The following XRN2 variants were observed in gnomAD, a reference collection of about 807,000 sequenced individuals.
The protein encoded by XRN2 is DHM1-like protein.
XRN2 carries 44 observed loss-of-function variants against 138.5 expected under a neutral mutation model. The ratio of observed to expected loss-of-function variants is 0.32; its 90% CI spans 0.25 to 0.41. The LOEUF (loss-of-function observed/expected upper bound fraction) is 0.41, where lower values mean the gene tolerates loss of function less well. XRN2 is among the 10% of genes least tolerant of loss of function. The pLI is 1.00. For synonymous variants in XRN2, 354 were observed against 369.4 expected, an observed-to-expected ratio of 0.96 and a Z score of 0.48; for missense variants, 937 against 1,169.3, an observed-to-expected ratio of 0.80 and a Z score of 2.90.
At chr20:21,333,019 G>A (rs140632060) in intron 9 of XRN2, among the ~76,000 whole-genome samples, 1 of 152,154 alleles carries the variant, frequency 6.6e-6, no homozygotes, top group Admixed American at 6.5e-5. Context: ...TGCTTTTTGA[G>A]GGGGGAAAAA....
At chr20:21,326,467 A>G in intron 2 of XRN2, 23 bp from the exon 3 acceptor site, 1 of 1,613,822 alleles carries the variant, frequency 6.2e-7, no homozygotes, top group African/African-American at 1.3e-5. Flanking sequence ...ATATTATATT[A>G]CATTGTTTGG....
At chr20:21,331,146 G>A (rs2038201618) in intron 6 of XRN2, among the ~76,000 whole-genome samples, 3 of 152,036 alleles carry the variant, frequency 2.0e-5, no homozygotes, top group African/African-American at 7.2e-5. Flanking sequence ...ATGAGAAATG[G>A]TAAATTATAT....
chr20:21,380,490 A>G (rs1450981900), intron 27 of XRN2, among the ~76,000 whole-genome samples: 3 of 152,184 alleles, frequency 2.0e-5, no homozygotes, highest in Non-Finnish European at 4.4e-5. Flanking sequence ...TGATTTTCTG[A>G]TAGTGTATAG....
Position 21,386,984 on chromosome 20 carries a change from G to A in XRN2, c.2765G>A (p.Arg922Gln), listed in dbSNP as rs1384644982. Residue 922 changes from arginine to glutamine, a missense_variant, in exon 29 of 30, where the codon CGA becomes CAA. Transcript: ENST00000377191. ...LAGPGGYPPR[R>Q]DDRGGRQGYP... ...GGGCCTGGTGGGTATCCACCCAGAC[G>A]AGATGATCGTGGAGGGAGACAGGTA... is the stretch of plus-strand genomic sequence containing the variant. 9 of 1,611,210 alleles carry A rather than the reference G, an allele frequency of 5.6e-6. No individual in the cohort carries two copies. The highest frequency in any genetic ancestry group is 4.5e-5 in the East Asian group (2 of 44,810).
chr20:21,327,249 A>G (rs1240813251), intron 3 of XRN2, among the ~76,000 whole-genome samples: 1 of 152,206 alleles, frequency 6.6e-6, no homozygotes, highest in Non-Finnish European at 1.5e-5. Context: ...AGTAGTCATG[A>G]AAATGATTTG....
chr20:21,329,459 G>A (rs2038173405), intron 4 of XRN2, among the ~76,000 whole-genome samples: 1 of 152,128 alleles, frequency 6.6e-6, no homozygotes, highest in Non-Finnish European at 1.5e-5. Flanking sequence ...TCTTGGCTCC[G>A]GATAATTGCA....
At chr20:21,345,089 A>G (rs2038419392) in intron 16 of XRN2, among the ~76,000 whole-genome samples, 1 of 152,170 alleles carries the variant, frequency 6.6e-6, no homozygotes, top group Non-Finnish European at 1.5e-5. Context: ...ATCCATGTCT[A>G]CTTGTGATTG....
chr20:21,375,974 G>T (rs2038817574), intron 27 of XRN2, among the ~76,000 whole-genome samples: 1 of 151,402 alleles, frequency 6.6e-6, no homozygotes, highest in South Asian at 2.1e-4. Flanking sequence ...GAGTAGCTCG[G>T]ACTACAGGCG....
chr20:21,337,393 C>G (rs917477864), intron 13 of XRN2, among the ~76,000 whole-genome samples: 2 of 152,192 alleles, frequency 1.3e-5, no homozygotes, highest in Admixed American at 1.3e-4. Flanking sequence ...TGACACAAGA[C>G]TGAAAGATGT....
chr20:21,313,460 T>C (rs1309167741), intron 1 of XRN2, among the ~76,000 whole-genome samples: 1 of 152,318 alleles, frequency 6.6e-6, no homozygotes, highest in Admixed American at 6.5e-5. Flanking sequence ...AGTAGACATA[T>C]TTGCAAATAT....
chr20:21,309,370 TA>T (rs775353256), intron 1 of XRN2, among the ~76,000 whole-genome samples: 2 of 152,206 alleles, frequency 1.3e-5, no homozygotes, highest in Non-Finnish European at 2.9e-5. Context: ...TTTATTTATT[TA>T]TTTTTTGGAT....
chr20:21,333,837 G>C lies in XRN2; in HGVS notation c.1067G>C (p.Arg356Thr), dbSNP rs1483338786. 1.2e-6 allele frequency: 2 copies of C among 1,614,082 alleles called. No homozygotes were observed. The highest frequency in any genetic ancestry group is 8.5e-7 in the Non-Finnish European group (1 of 1,180,002). ...CCTCATTTGCCATCGTTAGAGATTA[G>C]GTATGTGCATTTGTGTAGCTTTTCA... ...FLPHLPSLEI[R>T]ENAIDRLVNI... Residue 356 changes from arginine (R) to threonine (T), a missense_variant and splice_region_variant, in exon 11 of 30, where the codon AGG (arginine) becomes ACG (threonine). Physicochemically the swap from Arg to Thr is moderately conservative, Grantham distance 71 (BLOSUM62 -1). Coordinates refer to ENST00000377191, the MANE Select transcript of XRN2 (RefSeq NM_012255.5).
intron 27 of XRN2, among the ~76,000 whole-genome samples, chr20:21,378,124 A>G (rs552780347): frequency 2.0e-5 from 3 of 152,300 alleles, no homozygotes; most frequent in East Asian, 1.9e-4. Context: ...TTTAGCCAAG[A>G]TGTTTTCTTA....
chr20:21,382,077 T>G lies in XRN2; in HGVS notation c.2648+20T>G, dbSNP rs1192676660. ...TGACAGGTAATATTAAAAGTAGACATGACTTTTAAATACTTTCTGACACCA... is the reference window on the plus strand; with the variant it reads ...TGACAGGTAATATTAAAAGTAGACAGGACTTTTAAATACTTTCTGACACCA... On this transcript the variant is annotated intron_variant, in intron 28 of 29. Transcript: ENST00000377191. 6.3e-7 allele frequency: 1 copy of G among 1,595,926 alleles called. No homozygotes were observed. Among genetic ancestry groups the G allele is most frequent in the Admixed American group, 1.7e-5 (1 of 58,098 alleles).
At chr20:21,315,603 C>T (rs1268083995) in intron 1 of XRN2, among the ~76,000 whole-genome samples, 1 of 152,200 alleles carries the variant, frequency 6.6e-6, no homozygotes, top group Admixed American at 6.5e-5. Flanking sequence ...CGTTATCCTC[C>T]CACCTCAGCC....
intron 16 of XRN2, among the ~76,000 whole-genome samples, chr20:21,344,504 TCTGA>T (rs1343264975): frequency 1.3e-5 from 2 of 152,164 alleles, no homozygotes; most frequent in Non-Finnish European, 2.9e-5. Flanking sequence ...GGTGTTTAGC[TCTGA>T]CTATGTGATC....
At chr20:21,307,071 C>T (rs149223632) in intron 1 of XRN2, among the ~76,000 whole-genome samples, 2 of 76,720 alleles carry the variant, frequency 2.6e-5, no homozygotes, top group African/African-American at 3.6e-5. Context: ...ACAGCAGGGT[C>T]GCGTATCATA....
intron 16 of XRN2, 76 bp from the exon 17 acceptor site, chr20:21,346,337 ATT>A (rs2038434802): frequency 6.4e-7 from 1 of 1,551,896 alleles, no homozygotes; most frequent in Admixed American, 1.8e-5. Flanking sequence ...ATATAAATTG[ATT>A]TGGGGTATAA....
chr20:21,357,554 C>G (rs1233257637), intron 23 of XRN2, among the ~76,000 whole-genome samples, 182 bp from the exon 24 acceptor site: 1 of 151,968 alleles, frequency 6.6e-6, no homozygotes, highest in Non-Finnish European at 1.5e-5. Context: ...TAATAGTTAA[C>G]CATTTCATGT....
Sources: gnomAD v4.1 joint callset for allele counts (sites outside exome capture counted in the v4.1 genomes callset) on GRCh38, gnomAD v4.1.1 for gene constraint, MANE v1.5 for transcripts, NCBI Gene and HGNC (gene_info 2026-07-23, HGNC 2026-07-21) for gene names.